The following SLC7A11 variants were observed in gnomAD, a reference collection of about 807,000 sequenced individuals.
SLC7A11 encodes solute carrier family 7 member 11, also known as cystine/glutamate transporter.
SLC7A11 carries 35 observed loss-of-function variants against 54.5 expected under a neutral mutation model. That is an observed-to-expected ratio of 0.64 (90% CI 0.49 to 0.85). The LOEUF (loss-of-function observed/expected upper bound fraction) is 0.85. Among genes scored for constraint, SLC7A11 ranks in the 40% least tolerant of loss-of-function variants. SLC7A11 has a pLI of 0.00. For synonymous variants in SLC7A11, 230 were observed against 225.2 expected (o/e 1.02, Z -0.19); for missense variants, 583 against 618.1 (o/e 0.94, Z 0.60).
intron 6 of SLC7A11, among the ~76,000 whole-genome samples, chr4:138,197,459 AT>A (rs1553942986): frequency 6.6e-6 from 1 of 152,124 alleles, no homozygotes; most frequent in Non-Finnish European, 1.5e-5. Flanking sequence ...ATTAGTTAAC[AT>A]TTTTTAAATC....
At chr4:138,209,329 G>A (rs1312117535) in intron 6 of SLC7A11, among the ~76,000 whole-genome samples, 1 of 151,682 alleles carries the variant, frequency 6.6e-6, no homozygotes, top group Non-Finnish European at 1.5e-5. Context: ...TGACTGATTG[G>A]GAAACACATT....
rs1335104620 is a variant in SLC7A11 at position 138,170,248 on chromosome 4, G to GTATA, written c.*1707_*1708insTATA. 8.1e-4 allele frequency: 72 copies of GTATA among 89,192 alleles called. No homozygotes were observed. The highest frequency in any genetic ancestry group is 3.5e-3 in the South Asian group (7 of 1,992). 5.5% of individuals were successfully genotyped at this position (89,192 alleles called of 1,614,324 possible). A position where few individuals can be genotyped will look rare whatever the true frequency, so the allele number is the denominator to read the frequency against. On this transcript the variant is annotated 3_prime_UTR_variant, in exon 12 of 12. Transcript: ENST00000280612. ...ATATATAAAAAGTGTGTGTGTGTGT[G>GTATA]TGTATATATATATATATATATATAC... is the stretch of plus-strand genomic sequence containing the variant.
At chr4:138,180,847 C>T in intron 9 of SLC7A11, 57 bp from the exon 10 acceptor site, 1 of 1,484,066 alleles carries the variant, frequency 6.7e-7, no homozygotes. Flanking sequence ...AGATGATTAA[C>T]AACAAAAACC....
At chr4:138,173,004 C>T (rs142889057) in intron 11 of SLC7A11, among the ~76,000 whole-genome samples, 3,690 of 151,980 alleles carry the variant, frequency 0.024, 68 homozygotes, top group Non-Finnish European at 0.04. Context: ...CCACCACATC[C>T]GGCTAATTTT....
chr4:138,203,996 C>T (rs1486424678), intron 6 of SLC7A11, among the ~76,000 whole-genome samples: 4 of 152,034 alleles, frequency 2.6e-5, no homozygotes, highest in African/African-American at 7.2e-5. Flanking sequence ...TTCCCTAAAA[C>T]CAAGAATTCT....
At position 138,242,056 on chromosome 4, in the gene SLC7A11, G is replaced by A; in HGVS notation, c.14C>T (p.Pro5Leu). The A allele has an allele frequency of 6.2e-7, 1 of 1,614,066 alleles. No homozygotes were observed. The highest frequency in any genetic ancestry group is 8.5e-7 in the Non-Finnish European group (1 of 1,179,924). Residue 5 changes from proline to leucine, a missense_variant, in exon 1 of 12, where the codon CCT becomes CTT. Transcript: ENST00000280612. MVRK[P>L]VVSTISKGGY... Reference sequence around the variant, plus strand: ...TCCTTTGGAGATGGTGGACACAACAGGCTTTCTGACCATAGTAGGGACACA... The same window carrying A: ...TCCTTTGGAGATGGTGGACACAACAAGCTTTCTGACCATAGTAGGGACACA...
rs1425604311 is a variant in SLC7A11, at chr4:138,198,560, ATAAG to A, written c.792-13320_792-13317del. Among the ~76,000 whole-genome samples the A allele has an allele frequency of 7.9e-5, 12 of 152,038 alleles. No homozygotes were observed. In the East Asian group the frequency reaches 2.3e-3, roughly 29 times the overall value. On this transcript the variant is annotated intron_variant, in intron 6 of 11. Transcript: ENST00000280612. ...TTTTAAAATAATGACACCCAACACT[ATAAG>A]TATTCTTAGCTATTGCTATTGGGAG...
rs1198549974 is a variant in SLC7A11, at chr4:138,180,790, GC to G, written c.1117-1del. On this transcript the variant is annotated splice_acceptor_variant, in intron 9 of 11. Transcript: ENST00000280612. LOFTEE classifies it high-confidence loss of function. Reference sequence around the variant, plus strand: ...AAGAGCATTATCATTGTCAAAGGGTGCTGAGGGGGGAAAGGGAAGCAAGCTT... The same window carrying G: ...AAGAGCATTATCATTGTCAAAGGGTGTGAGGGGGGAAAGGGAAGCAAGCTT... 3.7e-6 allele frequency: 6 copies of G among 1,609,926 alleles called. No homozygotes were observed. The highest frequency in any genetic ancestry group is 1.7e-4 in the Middle Eastern group (1 of 6,052).
chr4:138,189,811 T>A (rs764534179), intron 6 of SLC7A11, among the ~76,000 whole-genome samples: 1 of 152,132 alleles, frequency 6.6e-6, no homozygotes, highest in Non-Finnish European at 1.5e-5. Context: ...TCATTTTCGC[T>A]AAAAGTGATC....
chr4:138,198,949 G>C (rs1000423644), intron 6 of SLC7A11, among the ~76,000 whole-genome samples: 1 of 152,066 alleles, frequency 6.6e-6, no homozygotes, highest in Non-Finnish European at 1.5e-5. Context: ...CAGATCTATA[G>C]CACATAAGTA....
In SLC7A11 at chr4:138,200,064, T is replaced by C. The variant is rs546306893; in HGVS notation, c.791+14521A>G. 2.6e-5 allele frequency among the ~76,000 whole-genome samples: 4 copies of C among 152,276 alleles called. No individual in the cohort carries two copies. In the South Asian group the frequency reaches 8.3e-4, roughly 32 times the overall value. On this transcript the variant is annotated intron_variant, in intron 6 of 11. Coordinates refer to ENST00000280612, the MANE Select transcript of SLC7A11 (RefSeq NM_014331.4). ...ACTTGCTGTCTATCTCCCTCGTTTC[T>C]TTTTGTCATTTTCTGGCTGAAAACA... is the stretch of plus-strand genomic sequence containing the variant.
chr4:138,190,839 G>A (rs552438742), intron 6 of SLC7A11, among the ~76,000 whole-genome samples: 23 of 152,122 alleles, frequency 1.5e-4, no homozygotes, highest in African/African-American at 5.5e-4. Flanking sequence ...ACAAGTAAGC[G>A]TTCAAGAAAA....
In SLC7A11 at chr4:138,213,387, G is replaced by A. The variant is rs1460902418; in HGVS notation, c.791+1198C>T. 3.9e-5 allele frequency among the ~76,000 whole-genome samples: 6 copies of A among 151,986 alleles called. No individual in the cohort carries two copies. The East Asian group carries it at 1.2e-3, about 29-fold the overall frequency. On this transcript the variant is annotated intron_variant, in intron 6 of 11. Transcript: ENST00000280612. ...AGTTTACCATTTCCCAAGATACCAG[G>A]TGCCAGAATTTCCTAGTCTATCTTA... is the stretch of plus-strand genomic sequence containing the variant.
chr4:138,198,347 A>C (rs1737190187), intron 6 of SLC7A11, among the ~76,000 whole-genome samples: 1 of 152,286 alleles, frequency 6.6e-6, no homozygotes, highest in African/African-American at 2.4e-5. Context: ...TTTACAAATA[A>C]TATAATAGAT....
chr4:138,216,826 C>A (rs1002631414), intron 5 of SLC7A11, among the ~76,000 whole-genome samples: 3 of 152,164 alleles, frequency 2.0e-5, no homozygotes, highest in Non-Finnish European at 4.4e-5. Context: ...GGGTATCAAA[C>A]ATTGTCATAG....
chr4:138,235,938 C>T (rs553046913), intron 2 of SLC7A11, among the ~76,000 whole-genome samples: 1 of 152,110 alleles, frequency 6.6e-6, no homozygotes, highest in African/African-American at 2.4e-5. Flanking sequence ...AGTTAAATGC[C>T]TTAATGATAT....
chr4:138,186,697 C>A (rs1736888906), intron 6 of SLC7A11, among the ~76,000 whole-genome samples: 1 of 152,082 alleles, frequency 6.6e-6, no homozygotes, highest in African/African-American at 2.4e-5. Context: ...TAAAGAAAAT[C>A]ACTGAGCCAA....
intron 6 of SLC7A11, among the ~76,000 whole-genome samples, chr4:138,209,974 CATTACT>C (rs1737508695): frequency 6.6e-6 from 1 of 151,938 alleles, no homozygotes; most frequent in Admixed American, 6.6e-5. Context: ...AGAGGCATCA[CATTACT>C]TGACCTCAAA....
chr4:138,224,025 A>G (rs1223131051), intron 3 of SLC7A11, among the ~76,000 whole-genome samples: 1 of 152,178 alleles, frequency 6.6e-6, no homozygotes, highest in African/African-American at 2.4e-5. Context: ...TGCTGTCTAC[A>G]ATTTCCCAAG....
Sources: gnomAD v4.1 joint callset for allele counts (sites outside exome capture counted in the v4.1 genomes callset) on GRCh38, gnomAD v4.1.1 for gene constraint, MANE v1.5 for transcripts, NCBI Gene and HGNC (gene_info 2026-07-23, HGNC 2026-07-21) for gene names.